The following DTWD2 variants were observed in gnomAD, a reference collection of about 807,000 sequenced individuals.
DTWD2 encodes the protein DTW motif tRNA-uridine aminocarboxypropyltransferase 2.
DTWD2 carries 39 observed loss-of-function variants against 31.8 expected under a neutral mutation model. The ratio of observed to expected loss-of-function variants is 1.22; its 90% CI spans 0.95 to 1.60. The LOEUF (loss-of-function observed/expected upper bound fraction) is 1.60, where lower values mean the gene tolerates loss of function less well. Ranked by LOEUF, DTWD2 falls within the 40% of genes most tolerant of loss-of-function variation. DTWD2 has a pLI of 0.00. For missense variants in DTWD2, 515 were observed against 381.5 expected (o/e 1.35, Z -2.92); for synonymous variants, 180 against 142.8 (o/e 1.26, Z -1.86).
chr5:118,842,480 A>G (rs1160174620), intron 5 of DTWD2, among the ~76,000 whole-genome samples: 1 of 152,210 alleles, frequency 6.6e-6, no homozygotes, highest in Non-Finnish European at 1.5e-5. Flanking sequence ...CAAATACAAA[A>G]GATGATGGAC....
intron 4 of DTWD2, among the ~76,000 whole-genome samples, chr5:118,860,508 T>C (rs2149544381): frequency 6.6e-6 from 1 of 152,228 alleles, no homozygotes; most frequent in East Asian, 1.9e-4. Flanking sequence ...AATAAATAGC[T>C]TTGTGTTAAT....
intron 1 of DTWD2, among the ~76,000 whole-genome samples, chr5:118,959,515 A>G (rs933259725): frequency 6.6e-6 from 1 of 152,180 alleles, no homozygotes; most frequent in Admixed American, 6.5e-5. Flanking sequence ...TGTTAAAATG[A>G]CCATATTACC....
At position 118,974,090 on chromosome 5, in the gene DTWD2, G is replaced by C. The variant is rs1257962890; in HGVS notation, c.218+14204C>G. 49 of 1,599,676 alleles carry C rather than the reference G, an allele frequency of 3.1e-5. No individual in the cohort carries two copies. In the South Asian group the frequency reaches 3.6e-4, roughly 12 times the overall value. Reference sequence around the variant, plus strand: ...TGAAGATGATGAGGATGACGATGTCGATACCAAGAAGCAGAAGACCGACGA... The same window carrying C: ...TGAAGATGATGAGGATGACGATGTCCATACCAAGAAGCAGAAGACCGACGA... On this transcript the variant is annotated intron_variant, in intron 1 of 5. Coordinates refer to ENST00000510708, the MANE Select transcript of DTWD2 (RefSeq NM_173666.4).
intron 4 of DTWD2, among the ~76,000 whole-genome samples, chr5:118,849,366 T>A (rs957445363): frequency 6.6e-6 from 1 of 152,052 alleles, no homozygotes; most frequent in African/African-American, 2.4e-5. Flanking sequence ...CATTAAAAAG[T>A]CAGGAAACAA....
intron 1 of DTWD2, among the ~76,000 whole-genome samples, chr5:118,965,889 C>A (rs1754835141): frequency 6.6e-6 from 1 of 151,534 alleles, no homozygotes; most frequent in Non-Finnish European, 1.5e-5. Flanking sequence ...TGTCCTGTGA[C>A]CCTGCCAAAT....
At chr5:118,939,503 T>C (rs1043002443) in intron 2 of DTWD2, among the ~76,000 whole-genome samples, 1 of 152,180 alleles carries the variant, frequency 6.6e-6, no homozygotes, top group African/African-American at 2.4e-5. Flanking sequence ...TGGGTATGTT[T>C]TACAGGTTTA....
At position 118,939,186 on chromosome 5, in the gene DTWD2, G is replaced by A; in HGVS notation, c.404+10C>T. ...AAGAATTATTTACATTGCCCTAACA[G>A]TTAATTTACCTTTCTTCACTGAAGC... On this transcript the variant is annotated intron_variant, in intron 3 of 5. Coordinates refer to ENST00000510708, the MANE Select transcript of DTWD2 (RefSeq NM_173666.4). 6.3e-7 allele frequency: 1 copy of A among 1,596,108 alleles called. No homozygotes were observed. Among genetic ancestry groups the A allele is most frequent in the African/African-American group, 1.4e-5 (1 of 74,026 alleles).
chr5:118,977,021 G>T (rs1029125907), intron 1 of DTWD2, among the ~76,000 whole-genome samples: 1 of 152,200 alleles, frequency 6.6e-6, no homozygotes, highest in Non-Finnish European at 1.5e-5. Flanking sequence ...TGGGATGCAA[G>T]GCTGGTTCAA....
In DTWD2 at chr5:118,850,568, A is replaced by AAGAAAACC. The variant is rs570406171; in HGVS notation, c.598-2358_598-2351dup. Among the ~76,000 whole-genome samples, 181 of 151,324 alleles carry AAGAAAACC rather than the reference A, an allele frequency of 1.2e-3. 4 individuals carry two copies. In the South Asian group the frequency reaches 0.021, roughly 18 times the overall value. ...AGGCCAAGGACTATAGAAATCCTGG[A>AAGAAAACC]AGAAAACCTAGGTAATACCCTCTGG... On this transcript the variant is annotated intron_variant, in intron 4 of 5. Coordinates refer to ENST00000510708, the MANE Select transcript of DTWD2 (RefSeq NM_173666.4).
chr5:118,849,264 CA>C (rs1751942203), intron 4 of DTWD2, among the ~76,000 whole-genome samples: 1 of 152,058 alleles, frequency 6.6e-6, no homozygotes, highest in South Asian at 2.1e-4. Flanking sequence ...GGCCAACAAA[CA>C]TAAGAAAAAA....
Position 118,838,273 on chromosome 5 carries a change from TC to T in DTWD2, c.*2643del, listed in dbSNP as rs1751620409. The stretch of plus-strand genomic sequence containing the variant: ...CACTTTATGTATGAGGAAATACTAT[TC>T]TCTGAGTTACACGGTTCAAATAACT... On this transcript the variant is annotated 3_prime_UTR_variant, in exon 6 of 6. Coordinates refer to ENST00000510708, the MANE Select transcript of DTWD2 (RefSeq NM_173666.4). 6.6e-6 allele frequency: 1 copy of T among 152,094 alleles called. No homozygotes were observed. The highest frequency in any genetic ancestry group is 1.5e-5 in the Non-Finnish European group (1 of 68,024). The allele number at this position is 152,094 out of a possible 1,614,324, so 9.4% of individuals were successfully genotyped here. A position where few individuals can be genotyped will look rare whatever the true frequency, so the allele number is the denominator to read the frequency against.
chr5:118,923,551 G>A lies in DTWD2; in HGVS notation c.597+4986C>T, dbSNP rs149106758. On this transcript the variant is annotated intron_variant, in intron 4 of 5. Transcript: ENST00000510708. ...GCGCATGCGGGAAACCCACCCTAAC[G>A]GAAGAATCTTGGGAAAGAGGCGAAC... is the stretch of plus-strand genomic sequence containing the variant. 1.5e-3 allele frequency among the ~76,000 whole-genome samples: 235 copies of A among 152,276 alleles called. 2 individuals carry two copies. The highest frequency in any genetic ancestry group is 5.4e-3 in the African/African-American group (225 of 41,558).
At chr5:118,982,377 C>A (rs1755320685) in intron 1 of DTWD2, among the ~76,000 whole-genome samples, 1 of 152,154 alleles carries the variant, frequency 6.6e-6, no homozygotes, top group Non-Finnish European at 1.5e-5. Context: ...GGCCATTCCT[C>A]TTTGAAGACT....
intron 1 of DTWD2, among the ~76,000 whole-genome samples, chr5:118,987,008 A>C (rs1427165146): frequency 6.6e-6 from 1 of 152,224 alleles, no homozygotes; most frequent in African/African-American, 2.4e-5. Flanking sequence ...GCATCATAAA[A>C]TAAATCTCTG....
chr5:118,902,199 T>C (rs139831522), intron 4 of DTWD2, among the ~76,000 whole-genome samples: 1 of 152,202 alleles, frequency 6.6e-6, no homozygotes, highest in East Asian at 1.9e-4. Flanking sequence ...AAGCTACAAA[T>C]GTGCTACTTG....
chr5:118,908,729 C>G (rs1025731061), intron 4 of DTWD2, among the ~76,000 whole-genome samples: 6 of 151,114 alleles, frequency 4.0e-5, no homozygotes, highest in African/African-American at 1.2e-4. Context: ...AAAATGTAAC[C>G]TGAAGACTGC....
At chr5:118,872,114 A>C (rs891751934) in intron 4 of DTWD2, among the ~76,000 whole-genome samples, 2 of 152,150 alleles carry the variant, frequency 1.3e-5, no homozygotes, top group Non-Finnish European at 2.9e-5. Flanking sequence ...CACCTCTCTC[A>C]ATCTTAACAG....
At chr5:118,881,822 C>A (rs1752748804) in intron 4 of DTWD2, among the ~76,000 whole-genome samples, 1 of 152,158 alleles carries the variant, frequency 6.6e-6, no homozygotes, top group Non-Finnish European at 1.5e-5. Flanking sequence ...ATTATTCGAT[C>A]ACTTCCCAAC....
chr5:118,849,661 T>G (rs1039164999), intron 4 of DTWD2, among the ~76,000 whole-genome samples: 16 of 151,954 alleles, frequency 1.1e-4, no homozygotes, highest in Non-Finnish European at 1.5e-5. Flanking sequence ...ATAAAGAAAA[T>G]GTGGCACATA....
Sources: allele counts gnomAD v4.1 joint callset (sites outside exome capture counted in the v4.1 genomes callset), GRCh38; gene constraint gnomAD v4.1.1; transcripts MANE v1.5; gene names NCBI Gene and HGNC (gene_info 2026-07-23, HGNC 2026-07-21).